ELAVL2: variants seen among roughly 807,000 people sequenced by gnomAD.
ELAVL2 encodes the protein ELAV-like protein 2.
ELAVL2 carries 4 observed loss-of-function variants against 34.6 expected under a neutral mutation model. That is an observed-to-expected ratio of 0.12 (90% confidence interval 0.06 to 0.26). The LOEUF (loss-of-function observed/expected upper bound fraction) is 0.26. ELAVL2 is among the 10% of genes least tolerant of loss of function. The pLI is 1.00. For missense variants in ELAVL2, 432 were observed against 442.8 expected (o/e 0.98, Z 0.22); for synonymous variants, 193 against 154.8 (o/e 1.25, Z -1.83).
intron 1 of ELAVL2, among the ~76,000 whole-genome samples, chr9:23,812,271 T>C (rs1276750393): frequency 1.3e-5 from 2 of 152,186 alleles, no homozygotes. Flanking sequence ...ACAATCTTCC[T>C]GGCTTCTGAA....
chr9:23,809,035 A>G (rs1311197659), intron 1 of ELAVL2, among the ~76,000 whole-genome samples: 1 of 152,188 alleles, frequency 6.6e-6, no homozygotes, highest in Non-Finnish European at 1.5e-5. Flanking sequence ...TGTCCTATAA[A>G]ATGTGATGAT....
At chr9:23,814,476 G>A (rs1408456879) in intron 1 of ELAVL2, among the ~76,000 whole-genome samples, 4 of 152,090 alleles carry the variant, frequency 2.6e-5, no homozygotes, top group Non-Finnish European at 5.9e-5. Context: ...TCCTTGCGGA[G>A]ACTATGGAGA....
intron 2 of ELAVL2, among the ~76,000 whole-genome samples, chr9:23,748,048 A>G (rs1588052118): frequency 6.6e-6 from 1 of 152,120 alleles, no homozygotes; most frequent in Non-Finnish European, 1.5e-5. Context: ...GTTGCTTCAG[A>G]AAGATATTTA....
intron 1 of ELAVL2, among the ~76,000 whole-genome samples, chr9:23,824,821 TAAC>T: frequency 6.6e-6 from 1 of 152,246 alleles, no homozygotes; most frequent in South Asian, 2.1e-4. Context: ...GGCGTCAATT[TAAC>T]AATAGCTATT....
chr9:23,692,990 T>A (rs947970163), intron 6 of ELAVL2, 106 bp from the exon 7 acceptor site: 3 of 1,003,522 alleles, frequency 3.0e-6, no homozygotes, highest in Non-Finnish European at 2.9e-6. Context: ...TTTTAGTAAC[T>A]CTCCTCCCCC....
intron 2 of ELAVL2, among the ~76,000 whole-genome samples, chr9:23,759,878 A>G (rs2054561531): frequency 6.7e-6 from 1 of 149,648 alleles, no homozygotes; most frequent in African/African-American, 2.5e-5. Flanking sequence ...TTGCTTACCA[A>G]ATATTTTTAA....
intron 2 of ELAVL2, among the ~76,000 whole-genome samples, chr9:23,744,224 A>AC (rs1490140360): frequency 6.6e-6 from 1 of 152,204 alleles, no homozygotes; most frequent in Admixed American, 6.5e-5. Flanking sequence ...TTTCACAAAT[A>AC]GATTCTGATG....
At chr9:23,790,531 A>AT (rs1488590241) in intron 1 of ELAVL2, among the ~76,000 whole-genome samples, 2 of 152,202 alleles carry the variant, frequency 1.3e-5, no homozygotes, top group Non-Finnish European at 2.9e-5. Flanking sequence ...AGTATCCTTC[A>AT]TCTCATCTGT....
At chr9:23,778,691 G>A (rs1475225897) in intron 1 of ELAVL2, among the ~76,000 whole-genome samples, 1 of 152,160 alleles carries the variant, frequency 6.6e-6, no homozygotes, top group Admixed American at 6.6e-5. Flanking sequence ...GAGTACTGGG[G>A]GAGGGAGGGG....
At chr9:23,763,154 T>C (rs1472934989) in intron 1 of ELAVL2, among the ~76,000 whole-genome samples, 1 of 152,084 alleles carries the variant, frequency 6.6e-6, no homozygotes, top group Admixed American at 6.6e-5. Context: ...GGAATTCTCG[T>C]CTGAGCACAT....
intron 4 of ELAVL2, among the ~76,000 whole-genome samples, chr9:23,702,367 C>A (rs1017134111): frequency 3.3e-5 from 5 of 152,082 alleles, no homozygotes; most frequent in African/African-American, 1.2e-4. Flanking sequence ...CACTCCCTGC[C>A]CCACATTCTC....
intron 5 of ELAVL2, among the ~76,000 whole-genome samples, chr9:23,696,553 C>G (rs536162710): frequency 6.6e-6 from 1 of 152,220 alleles, no homozygotes; most frequent in African/African-American, 2.4e-5. Context: ...ACTGCAAACT[C>G]TGCCTCCCGG....
At chr9:23,772,653 G>T (rs1408441413) in intron 1 of ELAVL2, among the ~76,000 whole-genome samples, 2 of 151,176 alleles carry the variant, frequency 1.3e-5, no homozygotes, top group South Asian at 4.2e-4. Context: ...AAATATCTTA[G>T]AATTCATTGA....
intron 2 of ELAVL2, among the ~76,000 whole-genome samples, chr9:23,749,858 T>C (rs117253927): frequency 0.03 from 4,575 of 152,052 alleles, 85 homozygotes; most frequent in East Asian, 0.076. Flanking sequence ...TCTTTCATTA[T>C]AATCTATAGA....
At chr9:23,773,824 G>A (rs2057727076) in intron 1 of ELAVL2, among the ~76,000 whole-genome samples, 1 of 152,112 alleles carries the variant, frequency 6.6e-6, no homozygotes, top group South Asian at 2.1e-4. Flanking sequence ...TAATGTCAAA[G>A]CACTTTACAA....
chr9:23,812,750 CAAA>C (rs569118079), intron 1 of ELAVL2, among the ~76,000 whole-genome samples: 2 of 135,044 alleles, frequency 1.5e-5, no homozygotes, highest in Non-Finnish European at 1.6e-5. Flanking sequence ...CTCCAAATAT[CAAA>C]AAAAAAAAAA....
chr9:23,748,204 G>GA (rs1183397533), intron 2 of ELAVL2, among the ~76,000 whole-genome samples: 2 of 150,960 alleles, frequency 1.3e-5, no homozygotes, highest in African/African-American at 2.4e-5. Context: ...GGAAGGGGGA[G>GA]AAAAAAATGG....
chr9:23,844,318 C>T, the ELAVL2 span, among the ~76,000 whole-genome samples: 16 of 152,138 alleles, frequency 1.1e-4, no homozygotes, highest in South Asian at 2.1e-4. Context: ...GGTTCTAGCA[C>T]GGTGCCTAAC....
chr9:23,783,459 C>T (rs2059322175), intron 1 of ELAVL2: 2 of 985,340 alleles, frequency 2.0e-6, no homozygotes, highest in African/African-American at 1.7e-5. Context: ...TACAAAGTGG[C>T]CATGCACTAA....
Sources: gnomAD v4.1 joint callset for allele counts (sites outside exome capture counted in the v4.1 genomes callset) on GRCh38, gnomAD v4.1.1 for gene constraint, MANE v1.5 for transcripts, NCBI Gene and HGNC (gene_info 2026-07-23, HGNC 2026-07-21) for gene names.